The following ZNF577 variants were observed in gnomAD, a reference collection of about 807,000 sequenced individuals.
ZNF577 encodes the protein zinc finger protein 577.
ZNF577 carries 14 observed loss-of-function variants against 13.9 expected under a neutral mutation model. That is an observed-to-expected ratio of 1.00 (90% CI 0.66 to 1.57). The LOEUF (loss-of-function observed/expected upper bound fraction) is 1.57. ZNF577 is among the 40% of genes most tolerant of loss of function. The probability of loss-of-function intolerance (pLI) is 0.00; values close to 1 mark genes in which losing one functional copy is unlikely to be tolerated. For synonymous variants in ZNF577, 203 were observed against 202.9 expected (o/e 1.00, Z 0.00); for missense variants, 555 against 579.2 (o/e 0.96, Z 0.43).
At chr19:51,809,922 C>G (rs1465930493) in intron 10 of ZNF577, among the ~76,000 whole-genome samples, 1 of 152,012 alleles carries the variant, frequency 6.6e-6, no homozygotes. Context: ...GGTCCAGGCC[C>G]CCATCTCATT....
intron 5 of ZNF577, among the ~76,000 whole-genome samples, chr19:51,852,685 G>A (rs1051442525): frequency 6.6e-6 from 1 of 151,944 alleles, no homozygotes; most frequent in Non-Finnish European, 1.5e-5. Flanking sequence ...CATAGAAGGT[G>A]ATAGGTGGGA....
chr19:51,845,836 T>C (rs1177313732), intron 5 of ZNF577, among the ~76,000 whole-genome samples: 1 of 152,242 alleles, frequency 6.6e-6, no homozygotes. Context: ...AGTATTCCAT[T>C]GTGTATATAT....
At chr19:51,878,626 G>A (rs1331437432) in intron 3 of ZNF577, 111 bp from the exon 4 acceptor site, 6 of 1,361,022 alleles carry the variant, frequency 4.4e-6, no homozygotes, top group African/African-American at 2.9e-5. Flanking sequence ...TGCACACCAT[G>A]GCTATTTCAC....
chr19:51,812,208 C>T (rs1436134060), intron 9 of ZNF577, among the ~76,000 whole-genome samples: 1 of 152,016 alleles, frequency 6.6e-6, no homozygotes, highest in African/African-American at 2.4e-5. Context: ...CACTTAGTCC[C>T]CCAGTTAAGA....
Position 51,824,622 on chromosome 19 carries a change from T to C in ZNF577, c.*600-12948A>G. On this transcript the variant is annotated intron_variant and NMD_transcript_variant, in intron 9 of 10. Transcript: ENST00000638827. This position sits in a 1 kb window ranked among gnomAD's most constrained non-coding sequence, Gnocchi z 4.7. ...GATTAACCCAACAAGCTCCTTGGCCTTTTTTAACAGCTGCCTCAACCCAAT... is the reference window on the plus strand; with the variant it reads ...GATTAACCCAACAAGCTCCTTGGCCCTTTTTAACAGCTGCCTCAACCCAAT... The C allele has an allele frequency of 1.2e-6, 2 of 1,614,114 alleles. No individual in the cohort carries two copies. The highest frequency in any genetic ancestry group is 4.5e-5 in the East Asian group (2 of 44,870).
downstream of ZNF577, among the ~76,000 whole-genome samples, chr19:51,866,843 G>A (rs748352291): frequency 2.6e-5 from 4 of 152,026 alleles, no homozygotes; most frequent in Admixed American, 6.6e-5. Context: ...TTAGCCAGGC[G>A]TGGTGACACA....
At chr19:51,860,611 T>C (rs1385005188) in intron 5 of ZNF577, 1 of 156,518 alleles carries the variant, frequency 6.4e-6, no homozygotes, top group Non-Finnish European at 1.4e-5. Context: ...TTTTCCCTTC[T>C]GATTTAAGTA....
chr19:51,829,880 G>C (rs1321090862), intron 9 of ZNF577, among the ~76,000 whole-genome samples: 1 of 152,180 alleles, frequency 6.6e-6, no homozygotes, highest in African/African-American at 2.4e-5. Flanking sequence ...TAGCCACTCA[G>C]AGGTCAAGTG....
intron 5 of ZNF577, among the ~76,000 whole-genome samples, chr19:51,850,438 T>C (rs2084373910): frequency 6.6e-6 from 1 of 152,188 alleles, no homozygotes; most frequent in African/African-American, 2.4e-5. Flanking sequence ...CGCAAATTGT[T>C]TCTGAAAGAA....
At chr19:51,881,244 T>C (rs1439346744) in intron 1 of ZNF577, among the ~76,000 whole-genome samples, 2 of 152,124 alleles carry the variant, frequency 1.3e-5, no homozygotes, top group Non-Finnish European at 2.9e-5. Flanking sequence ...TTGTAGAGGC[T>C]GAGATGGGTG....
At chr19:51,852,115 C>T (rs1226507523) in intron 5 of ZNF577, among the ~76,000 whole-genome samples, 2 of 152,188 alleles carry the variant, frequency 1.3e-5, no homozygotes, top group South Asian at 2.1e-4. Flanking sequence ...AGGGCTATTG[C>T]GCAGACTCAG....
At chr19:51,819,464 G>T (rs1238604893) in intron 9 of ZNF577, among the ~76,000 whole-genome samples, 4 of 151,976 alleles carry the variant, frequency 2.6e-5, no homozygotes. Flanking sequence ...ACCAAGAGTG[G>T]ATTGTGTGTA....
intron 3 of ZNF577, 122 bp downstream of exon 3, chr19:51,880,201 G>GA: frequency 9.5e-7 from 1 of 1,057,180 alleles, no homozygotes; most frequent in East Asian, 2.4e-5. Flanking sequence ...TAAACAACAG[G>GA]AAAAAGCCAT....
chr19:51,829,797 A>T (rs1027516222), intron 9 of ZNF577, among the ~76,000 whole-genome samples: 2 of 152,186 alleles, frequency 1.3e-5, no homozygotes, highest in Non-Finnish European at 2.9e-5. Flanking sequence ...GGCAATTTTC[A>T]AGAGCAAGTG....
intron 9 of ZNF577, chr19:51,825,491 C>T (rs2084226369): frequency 6.0e-6 from 1 of 167,034 alleles, no homozygotes; most frequent in South Asian, 2.1e-4. Context: ...GATTAGAGTC[C>T]TGCTTTGGGG....
In ZNF577 at chr19:51,869,272, G is replaced by A. The variant is rs1784148571; in HGVS notation, c.*3260C>T. Among the ~76,000 whole-genome samples the A allele has an allele frequency of 6.6e-6, 1 of 152,208 alleles. No homozygotes were observed. Among genetic ancestry groups the A allele is most frequent in the East Asian group, 1.9e-4 (1 of 5,192 alleles). On this transcript the variant is annotated 3_prime_UTR_variant, in exon 6 of 6. Coordinates refer to ENST00000638348, the MANE Select transcript of ZNF577 (RefSeq NM_001370449.1). ...ATCGTACATTCTATTTGCTGAGATAGGAGAAAACCACCTTATGGCTGGATG... is the reference window on the plus strand; with the variant it reads ...ATCGTACATTCTATTTGCTGAGATAAGAGAAAACCACCTTATGGCTGGATG...
At chr19:51,883,424 C>T (rs1334953599) in intron 1 of ZNF577, among the ~76,000 whole-genome samples, 1 of 152,098 alleles carries the variant, frequency 6.6e-6, no homozygotes, top group Non-Finnish European at 1.5e-5. Flanking sequence ...TGCTCCCAGC[C>T]TCATGGTATA....
chr19:51,882,556 A>T (rs1485169123), intron 1 of ZNF577, among the ~76,000 whole-genome samples: 3 of 152,018 alleles, frequency 2.0e-5, no homozygotes, highest in African/African-American at 7.2e-5. Flanking sequence ...TGAAGGCAGG[A>T]GAATTCCTTG....
In ZNF577 at chr19:51,843,806, A is replaced by C. The variant is rs189254924; in HGVS notation, c.*155-491T>G. Among the ~76,000 whole-genome samples the C allele has an allele frequency of 3.3e-5, 5 of 152,326 alleles. No individual in the cohort carries two copies. In the East Asian group the frequency reaches 9.6e-4, roughly 29 times the overall value. On this transcript the variant is annotated intron_variant and NMD_transcript_variant, in intron 6 of 10. Coordinates refer to the ZNF577 transcript ENST00000638827. ...ATTAGGTAAGGCCATAATTGTTCTG[A>C]AGAGGTAGACAAGCTGGTAGCATGA...
Sources: gnomAD v4.1 joint callset for allele counts (sites outside exome capture counted in the v4.1 genomes callset) on GRCh38, gnomAD v4.1.1 for gene constraint, Gnocchi (gnomAD v3.1) non-coding constraint, MANE v1.5 for transcripts, NCBI Gene and HGNC (gene_info 2026-07-23, HGNC 2026-07-21) for gene names.